The following AGPAT4 variants were observed in gnomAD, a reference collection of about 807,000 sequenced individuals.
AGPAT4 encodes 1-acyl-sn-glycerol-3-phosphate acyltransferase delta.
In AGPAT4, 15 loss-of-function variants were observed where a neutral mutation model predicts 48.0. The observed-to-expected ratio is 0.31, with a 90% CI of 0.21 to 0.48. The LOEUF (loss-of-function observed/expected upper bound fraction) is 0.48, where lower values mean the gene tolerates loss of function less well. AGPAT4 is among the 20% of genes least tolerant of loss of function. The pLI is 0.99. For synonymous variants in AGPAT4, 178 were observed against 198.7 expected (o/e 0.90, Z 0.88); for missense variants, 314 against 482.5 (o/e 0.65, Z 3.27).
In AGPAT4 at chr6:161,254,236, T is replaced by G. The variant is rs951002152; in HGVS notation, c.-90+19702A>C. Among the ~76,000 whole-genome samples the G allele has an allele frequency of 4.6e-5, 7 of 152,204 alleles. No individual in the cohort carries two copies. The highest frequency in any genetic ancestry group is 7.2e-5 in the African/African-American group (3 of 41,452). On this transcript the variant is annotated intron_variant, in intron 1 of 8. Transcript: ENST00000320285. The surrounding 1 kb of genome is among the most constrained non-coding windows in gnomAD (Gnocchi z 5.9). ...GTATGTTAACATATGTCACTTGATA[T>G]TGAAAAAGCTCTGTGACTTACTAGT...
In AGPAT4 at chr6:161,146,625, G is replaced by A. The variant is rs1450893803; in HGVS notation, c.768-26C>T. ...CTGCAAAGGCAGAGAGCAGCTAGCAGAGAGGAGGTGATGCCCCCCTACAAC... is the reference window on the plus strand; with the variant it reads ...CTGCAAAGGCAGAGAGCAGCTAGCAAAGAGGAGGTGATGCCCCCCTACAAC... On this transcript the variant is annotated intron_variant, in intron 6 of 8. Coordinates refer to ENST00000320285, the MANE Select transcript of AGPAT4 (RefSeq NM_020133.3). This position sits in a 1 kb window ranked among gnomAD's most constrained non-coding sequence, Gnocchi z 7.1. 2 of 1,610,960 alleles carry A rather than the reference G, an allele frequency of 1.2e-6. No individual in the cohort carries two copies. Among genetic ancestry groups the A allele is most frequent in the South Asian group, 1.1e-5 (1 of 90,996 alleles).
At chr6:161,199,839 G>A (rs1165023831) in intron 2 of AGPAT4, among the ~76,000 whole-genome samples, 3 of 152,300 alleles carry the variant, frequency 2.0e-5, no homozygotes, top group South Asian at 2.1e-4. Context: ...CTCCTGTACC[G>A]TGAGTTGATT....
chr6:161,247,727 T>C (rs986151231), intron 1 of AGPAT4, among the ~76,000 whole-genome samples: 7 of 152,084 alleles, frequency 4.6e-5, no homozygotes, highest in Non-Finnish European at 1.5e-5. Flanking sequence ...CTTACACCTG[T>C]AATCACAGAT....
At chr6:161,173,944 T>A (rs1237572318) in intron 2 of AGPAT4, among the ~76,000 whole-genome samples, 2 of 152,204 alleles carry the variant, frequency 1.3e-5, no homozygotes, top group East Asian at 3.9e-4. Context: ...TTGTCAAAGA[T>A]CAGATGGTTG....
At position 161,165,853 on chromosome 6, in the gene AGPAT4, G is replaced by C; in HGVS notation, c.348+395C>G. 3.4e-6 allele frequency: 2 copies of C among 591,698 alleles called. No individual in the cohort carries two copies. The allele number at this position is 591,698 out of a possible 1,614,324, so 36.7% of individuals were successfully genotyped here. On this transcript the variant is annotated intron_variant, in intron 3 of 8. Transcript: ENST00000320285. This position sits in a 1 kb window ranked among gnomAD's most constrained non-coding sequence, Gnocchi z 5.5. Reference sequence around the variant, plus strand: ...TGTCTGCCTGTTAGCCAAGGAGGCAGTAGAGCATGGAATTAAGAAATATGG... The same window carrying C: ...TGTCTGCCTGTTAGCCAAGGAGGCACTAGAGCATGGAATTAAGAAATATGG...
Position 161,134,199 on chromosome 6 carries a change from C to T in AGPAT4, c.*2341G>A, listed in dbSNP as rs1388770128. ...AAGGCAATTCAAAACTTGGCGCTCACTTAGTTATTTCCTAAGAGATTTCTG... is the reference window on the plus strand; with the variant it reads ...AAGGCAATTCAAAACTTGGCGCTCATTTAGTTATTTCCTAAGAGATTTCTG... On this transcript the variant is annotated 3_prime_UTR_variant, in exon 9 of 9. Transcript: ENST00000320285. 6.6e-6 allele frequency: 1 copy of T among 152,206 alleles called. No homozygotes were observed. The highest frequency in any genetic ancestry group is 6.5e-5 in the Admixed American group (1 of 15,286). The allele number at this position is 152,206 out of a possible 1,614,324, so 9.4% of individuals were successfully genotyped here. A position where few individuals can be genotyped will look rare whatever the true frequency, so the allele number is the denominator to read the frequency against.
rs1440857329 is a variant in AGPAT4, at chr6:161,261,740, AC to A, written c.-90+12197del. On this transcript the variant is annotated intron_variant, in intron 1 of 8. Transcript: ENST00000320285. This position sits in a 1 kb window ranked among gnomAD's most constrained non-coding sequence, Gnocchi z 5.3. ...ACATGTTTGTAAGGGGGTTTCCTCC[AC>A]CTGGTTTTGCCCTCTTTATTCCTTT... Among the ~76,000 whole-genome samples the A allele has an allele frequency of 2.6e-5, 4 of 152,212 alleles. No homozygotes were observed. Among genetic ancestry groups the A allele is most frequent in the Non-Finnish European group, 4.4e-5 (3 of 68,042 alleles).
At chr6:161,190,496 C>T (rs1426868414) in intron 2 of AGPAT4, among the ~76,000 whole-genome samples, 1 of 151,130 alleles carries the variant, frequency 6.6e-6, no homozygotes, top group African/African-American at 2.4e-5. Context: ...TTTTATAGTT[C>T]TGATTCTCCC....
chr6:161,244,766 G>A lies in AGPAT4; in HGVS notation c.-89-12464C>T, dbSNP rs1782604368. ...CCCACCTACTCTGCCTGGGTCAACT[G>A]ATCCAGTAAGAGTGATGCCTTCCAC... On this transcript the variant is annotated intron_variant, in intron 1 of 8. Transcript: ENST00000320285. This position sits in a 1 kb window ranked among gnomAD's most constrained non-coding sequence, Gnocchi z 4.7. Among the ~76,000 whole-genome samples the A allele has an allele frequency of 6.6e-6, 1 of 152,188 alleles. No homozygotes were observed. Among genetic ancestry groups the A allele is most frequent in the Non-Finnish European group, 1.5e-5 (1 of 68,038 alleles).
rs373837483 is a variant in AGPAT4 at position 161,179,523 on chromosome 6, C to T, written c.179-13106G>A. On this transcript the variant is annotated intron_variant, in intron 2 of 8. Transcript: ENST00000320285. Reference sequence around the variant, plus strand: ...TAAAATATTTAAAGCACTGAATATGCACCCTGCACCAGCCAGTACATTTTT... The same window carrying T: ...TAAAATATTTAAAGCACTGAATATGTACCCTGCACCAGCCAGTACATTTTT... 4.8e-4 allele frequency among the ~76,000 whole-genome samples: 73 copies of T among 152,322 alleles called. 2 individuals carry two copies. The South Asian group carries it at 0.014, about 30-fold the overall frequency.
Position 161,146,526 on chromosome 6 carries a change from TCTC to T in AGPAT4, c.838_840del (p.Glu280del). ...CCCCTGGCACCCAGTGCACTGACCT[TCTC>T]CTGGTAGAGCTTGTGCAGCCAGGCC... On this transcript the variant is annotated inframe_deletion, in exon 7 of 9. Coordinates refer to ENST00000320285, the MANE Select transcript of AGPAT4 (RefSeq NM_020133.3). This position sits in a 1 kb window ranked among gnomAD's most constrained non-coding sequence, Gnocchi z 7.1. 6.2e-7 allele frequency: 1 copy of T among 1,613,708 alleles called. No individual in the cohort carries two copies.
Position 161,243,142 on chromosome 6 carries a change from C to T in AGPAT4, c.-89-10840G>A, listed in dbSNP as rs1232389891. ...AAGGCAGAATGCATGTTGAAATTGTCGATTTCATCATCGTCATTGCTGCTA... is the reference window on the plus strand; with the variant it reads ...AAGGCAGAATGCATGTTGAAATTGTTGATTTCATCATCGTCATTGCTGCTA... On this transcript the variant is annotated intron_variant, in intron 1 of 8. Transcript: ENST00000320285. The surrounding 1 kb of genome is among the most constrained non-coding windows in gnomAD (Gnocchi z 4.8). Among the ~76,000 whole-genome samples the T allele has an allele frequency of 6.6e-6, 1 of 152,070 alleles. No homozygotes were observed. Among genetic ancestry groups the T allele is most frequent in the South Asian group, 2.1e-4 (1 of 4,816 alleles).
At chr6:161,257,919 C>T (rs183700877) in intron 1 of AGPAT4, among the ~76,000 whole-genome samples, 30 of 152,248 alleles carry the variant, frequency 2.0e-4, no homozygotes, top group Admixed American at 1.5e-3. Context: ...ACAGGATCAC[C>T]CTTGCTCTGG....
In AGPAT4 at chr6:161,240,625, G is replaced by C. The variant is rs1436980294; in HGVS notation, c.-89-8323C>G. Among the ~76,000 whole-genome samples, 1 of 152,214 alleles carries C rather than the reference G, an allele frequency of 6.6e-6. No individual in the cohort carries two copies. Among genetic ancestry groups the C allele is most frequent in the Non-Finnish European group, 1.5e-5 (1 of 68,038 alleles). Reference sequence around the variant, plus strand: ...TTCTGAACCAATATTTCGGTCTCCAGGACACAGAATCCCCAGGTACTGCGG... The same window carrying C: ...TTCTGAACCAATATTTCGGTCTCCACGACACAGAATCCCCAGGTACTGCGG... On this transcript the variant is annotated intron_variant, in intron 1 of 8. Coordinates refer to ENST00000320285, the MANE Select transcript of AGPAT4 (RefSeq NM_020133.3). This position sits in a 1 kb window ranked among gnomAD's most constrained non-coding sequence, Gnocchi z 5.5.
chr6:161,252,566 A>G (rs1782832481), intron 1 of AGPAT4, among the ~76,000 whole-genome samples: 1 of 152,212 alleles, frequency 6.6e-6, no homozygotes, highest in East Asian at 1.9e-4. Context: ...GCTCACGCCT[A>G]TAGTCCCAGC....
At chr6:161,160,342 G>A (rs1299752682) in intron 3 of AGPAT4, 1 of 153,204 alleles carries the variant, frequency 6.5e-6, no homozygotes, top group African/African-American at 2.4e-5. Context: ...GGAAAATGGT[G>A]TAGACCTTAC....
rs539581841 is a variant in AGPAT4 at position 161,133,915 on chromosome 6, C to T, written c.*2625G>A. ...GTTTTCAACTCGTAGAAAAAATAAC[C>T]CTGGGAACCAAAGCAGTTGTTGTGT... On this transcript the variant is annotated 3_prime_UTR_variant, in exon 9 of 9. Transcript: ENST00000320285. The T allele has an allele frequency of 2.0e-5, 3 of 152,278 alleles. No homozygotes were observed. The highest frequency in any genetic ancestry group is 4.8e-5 in the African/African-American group (2 of 41,540). The allele number at this position is 152,278 out of a possible 1,614,324, so 9.4% of individuals were successfully genotyped here.
Position 161,231,163 on chromosome 6 carries a change from T to C in AGPAT4, c.178+873A>G, listed in dbSNP as rs1237872760. 2.6e-5 allele frequency among the ~76,000 whole-genome samples: 4 copies of C among 152,188 alleles called. No homozygotes were observed. The South Asian group carries it at 8.3e-4, about 32-fold the overall frequency. On this transcript the variant is annotated intron_variant, in intron 2 of 8. Transcript: ENST00000320285. The surrounding 1 kb of genome is among the most constrained non-coding windows in gnomAD (Gnocchi z 5.3). Reference sequence around the variant, plus strand: ...TAAAAAGCACATATTTTGAAATATATTCATACCCACATATATATATCATTA... The same window carrying C: ...TAAAAAGCACATATTTTGAAATATACTCATACCCACATATATATATCATTA...
intron 3 of AGPAT4, among the ~76,000 whole-genome samples, chr6:161,163,066 C>T (rs957511227): frequency 4.6e-5 from 7 of 152,266 alleles, no homozygotes; most frequent in Non-Finnish European, 8.8e-5. Flanking sequence ...GAACCAGAGC[C>T]TCTGGGGACA....
Sources: allele counts gnomAD v4.1 joint callset (sites outside exome capture counted in the v4.1 genomes callset), GRCh38; gene constraint gnomAD v4.1.1; non-coding constraint Gnocchi (gnomAD v3.1); transcripts MANE v1.5; gene names NCBI Gene and HGNC (gene_info 2026-07-23, HGNC 2026-07-21).